Variants in SYT1 observed in about 807,000 individuals in gnomAD.
The protein encoded by SYT1 is synaptotagmin-1.
A neutral mutation model predicts 44.8 loss-of-function variants in SYT1; 8 were observed. The observed-to-expected ratio is 0.18, with a 90% CI of 0.10 to 0.32. The LOEUF is 0.32. Among genes scored for constraint, SYT1 ranks in the 10% least tolerant of loss-of-function variants. SYT1 has a pLI of 1.00. For synonymous variants in SYT1, 154 were observed against 188.8 expected, an observed-to-expected ratio of 0.82 and a Z score of 1.51; for missense variants, 286 against 509.3, an observed-to-expected ratio of 0.56 and a Z score of 4.22.
intron 1 of SYT1, among the ~76,000 whole-genome samples, chr12:78,888,251 A>G (rs746927682): frequency 1.3e-5 from 2 of 151,946 alleles, no homozygotes; most frequent in African/African-American, 4.8e-5. Flanking sequence ...AAGTTAGTGT[A>G]AATGGATTGC....
intron 2 of SYT1, among the ~76,000 whole-genome samples, chr12:79,026,483 G>A (rs369367463): frequency 2.7e-5 from 4 of 150,850 alleles, no homozygotes; most frequent in Admixed American, 6.6e-5. Flanking sequence ...TAAGAAAAGC[G>A]AAAAGTTATA....
At chr12:79,238,418 G>C (rs1303650484) in intron 4 of SYT1, among the ~76,000 whole-genome samples, 1 of 152,194 alleles carries the variant, frequency 6.6e-6, no homozygotes, top group African/African-American at 2.4e-5. Context: ...AGTGGATTTA[G>C]AGCTCTTTGT....
chr12:78,952,610 T>C (rs1476762194), intron 1 of SYT1, among the ~76,000 whole-genome samples: 3 of 152,170 alleles, frequency 2.0e-5, no homozygotes, highest in Admixed American at 2.0e-4. Flanking sequence ...AATTCTGGAA[T>C]ATTCCTAGAC....
At chr12:79,288,490 A>G (rs1879419853) in intron 5 of SYT1, among the ~76,000 whole-genome samples, 1 of 152,120 alleles carries the variant, frequency 6.6e-6, no homozygotes, top group Non-Finnish European at 1.5e-5. Context: ...CATTTTTACC[A>G]TTTTAATTCA....
intron 4 of SYT1, among the ~76,000 whole-genome samples, chr12:79,231,845 A>G (rs1875886779): frequency 6.6e-6 from 1 of 152,248 alleles, no homozygotes; most frequent in South Asian, 2.1e-4. Context: ...ATACTTCAGT[A>G]GCCCAAAAGT....
chr12:79,026,960 A>T (rs2096641947), intron 2 of SYT1, among the ~76,000 whole-genome samples: 1 of 151,420 alleles, frequency 6.6e-6, no homozygotes, highest in Admixed American at 6.6e-5. Context: ...TGATAGAAAA[A>T]CAAATGCTAC....
Position 78,973,286 on chromosome 12 carries a change from A to AT in SYT1, c.-216-4508dup, listed in dbSNP as rs1322236858. Among the ~76,000 whole-genome samples the AT allele has an allele frequency of 3.3e-5, 5 of 152,242 alleles. No homozygotes were observed. The East Asian group carries it at 7.7e-4, about 24-fold the overall frequency. On this transcript the variant is annotated intron_variant, in intron 1 of 10. Coordinates refer to ENST00000261205, the MANE Select transcript of SYT1 (RefSeq NM_005639.3). ...AGAACACTTTACATCCACTCTTAGT[A>AT]TTTTTATGACTACCTCATATTATTA...
chr12:78,893,991 T>C (rs975686915), intron 1 of SYT1, among the ~76,000 whole-genome samples: 1 of 151,604 alleles, frequency 6.6e-6, no homozygotes, highest in African/African-American at 2.4e-5. Flanking sequence ...TCTGCAAAAA[T>C]AAGCTGTTTT....
intron 3 of SYT1, among the ~76,000 whole-genome samples, chr12:79,152,387 G>A (rs1870326975): frequency 1.3e-5 from 2 of 152,240 alleles, no homozygotes; most frequent in South Asian, 4.1e-4. Context: ...TATTGGCATG[G>A]AAGGGTGGTT....
At chr12:78,974,682 C>T (rs1868686555) in intron 1 of SYT1, among the ~76,000 whole-genome samples, 1 of 152,022 alleles carries the variant, frequency 6.6e-6, no homozygotes, top group African/African-American at 2.4e-5. Context: ...GTGATCCGCC[C>T]GCCTCAGCCT....
intron 1 of SYT1, among the ~76,000 whole-genome samples, chr12:78,896,308 T>G (rs1429675376): frequency 6.6e-6 from 1 of 151,628 alleles, no homozygotes; most frequent in East Asian, 1.9e-4. Context: ...AAAAACACAC[T>G]GAAAAATGTA....
chr12:78,975,138 T>TGGTC (rs1327816856), intron 1 of SYT1, among the ~76,000 whole-genome samples: 1 of 99,720 alleles, frequency 1.0e-5, no homozygotes, highest in African/African-American at 4.0e-5. Flanking sequence ...GACTAACTCC[T>TGGTC]GGTCACTTTT....
At chr12:78,973,634 C>T (rs549954006) in intron 1 of SYT1, among the ~76,000 whole-genome samples, 1 of 152,072 alleles carries the variant, frequency 6.6e-6, no homozygotes, top group East Asian at 1.9e-4. Context: ...CAACCAGGAA[C>T]ACATTTTGTT....
At chr12:78,868,232 A>G (rs1367246745) in intron 1 of SYT1, among the ~76,000 whole-genome samples, 1 of 151,910 alleles carries the variant, frequency 6.6e-6, no homozygotes, top group Admixed American at 6.6e-5. Flanking sequence ...GGAACAAGAA[A>G]TAAAAACAGT....
At chr12:79,282,631 TCA>T (rs1879109102) in intron 4 of SYT1, among the ~76,000 whole-genome samples, 1 of 152,178 alleles carries the variant, frequency 6.6e-6, no homozygotes, top group Non-Finnish European at 1.5e-5. Context: ...GTTATTTGCT[TCA>T]CTGAATTATT....
intron 8 of SYT1, among the ~76,000 whole-genome samples, chr12:79,340,026 C>T (rs1882288942): frequency 6.6e-6 from 1 of 152,106 alleles, no homozygotes; most frequent in African/African-American, 2.4e-5. Flanking sequence ...TTCCATTGGT[C>T]TATATGTCTG....
intron 2 of SYT1, among the ~76,000 whole-genome samples, chr12:79,001,218 A>G (rs142134751): frequency 1.2e-4 from 18 of 151,942 alleles, no homozygotes; most frequent in Non-Finnish European, 2.1e-4. Flanking sequence ...TAAAATGATG[A>G]TATTTTGCAA....
At chr12:79,397,608 G>T (rs1167615405) in intron 9 of SYT1, among the ~76,000 whole-genome samples, 1 of 152,204 alleles carries the variant, frequency 6.6e-6, no homozygotes, top group East Asian at 1.9e-4. Context: ...TTGGCCTGAA[G>T]AAGGAGGTCA....
At chr12:79,146,107 A>G (rs1026851403) in intron 3 of SYT1, among the ~76,000 whole-genome samples, 1 of 152,164 alleles carries the variant, frequency 6.6e-6, no homozygotes, top group South Asian at 2.1e-4. Flanking sequence ...CAAAAAGCTA[A>G]CAGCACAACA....
Sources: allele counts gnomAD v4.1 joint callset (sites outside exome capture counted in the v4.1 genomes callset), GRCh38; gene constraint gnomAD v4.1.1; transcripts MANE v1.5; gene names NCBI Gene and HGNC (gene_info 2026-07-23, HGNC 2026-07-21).